The following PRKG1 variants were observed in gnomAD, a reference collection of about 807,000 sequenced individuals.
The protein encoded by PRKG1 is cGMP-dependent protein kinase 1.
A neutral mutation model predicts 88.1 loss-of-function variants in PRKG1; 35 were observed. The ratio of observed to expected loss-of-function variants is 0.40; its 90% CI spans 0.30 to 0.53. The LOEUF (loss-of-function observed/expected upper bound fraction) is 0.53, where lower values mean the gene tolerates loss of function less well. PRKG1 is among the 20% of genes least tolerant of loss of function. The pLI, the probability that PRKG1 is intolerant of heterozygous loss-of-function variation, is 0.59. For missense variants in PRKG1, 540 were observed against 839.8 expected, an observed-to-expected ratio of 0.64 and a Z score of 4.41; for synonymous variants, 303 against 292.5, an observed-to-expected ratio of 1.04 and a Z score of -0.37.
At chr10:51,000,365 A>G (rs999118336) in intron 1 of PRKG1, among the ~76,000 whole-genome samples, 1 of 152,206 alleles carries the variant, frequency 6.6e-6, no homozygotes, top group Admixed American at 6.5e-5. Context: ...TCTTTTCACA[A>G]GAGTATGTTG....
intron 4 of PRKG1, among the ~76,000 whole-genome samples, chr10:51,862,759 A>AGGAATTTGTCTGCCTC: frequency 6.6e-6 from 1 of 152,214 alleles, no homozygotes; most frequent in Non-Finnish European, 1.5e-5. Context: ...CTGTCTGCCT[A>AGGAATTTGTCTGCCTC]GGAATTTGTC....
chr10:51,461,908 T>TCTAAAATGACCCTG (rs1330800311), intron 2 of PRKG1, among the ~76,000 whole-genome samples: 16 of 152,264 alleles, frequency 1.1e-4, no homozygotes, highest in African/African-American at 3.9e-4. Context: ...GCACCCCCCA[T>TCTAAAATGACCCTG]CTAAAATGAC....
intron 3 of PRKG1, among the ~76,000 whole-genome samples, chr10:51,802,375 A>T (rs1937653): frequency 0.92 from 139,518 of 152,198 alleles, 64,079 homozygotes; most frequent in Middle Eastern, 0.97. Flanking sequence ...AGAGACATTT[A>T]AATAGCCCAT....
At position 51,793,321 on chromosome 10, in the gene PRKG1, T is replaced by G. The variant is rs116861147; in HGVS notation, c.593-11264T>G. Among the ~76,000 whole-genome samples, 260 of 152,046 alleles carry G rather than the reference T, an allele frequency of 1.7e-3. 2 individuals carry two copies. In the East Asian group the frequency reaches 0.037, roughly 22 times the overall value. ...TCAGTGCAGAACAGAAGAATCTGTA[T>G]GCTCAGACAGGTTATTAAAAATATA... On this transcript the variant is annotated intron_variant, in intron 3 of 17. Coordinates refer to ENST00000373980, the MANE Select transcript of PRKG1 (RefSeq NM_006258.4).
intron 4 of PRKG1, among the ~76,000 whole-genome samples, chr10:51,836,877 C>G (rs181224631): frequency 6.6e-6 from 1 of 152,074 alleles, no homozygotes; most frequent in African/African-American, 2.4e-5. Context: ...AAAGGGTGCA[C>G]GGAGCATTTT....
intron 17 of PRKG1, among the ~76,000 whole-genome samples, chr10:52,293,334 G>T (rs1019341583): frequency 1.3e-5 from 2 of 150,238 alleles, no homozygotes; most frequent in African/African-American, 2.5e-5. Context: ...TGGCCATACT[G>T]CCCAAGGTAA....
At chr10:52,163,086 G>A (rs187684860) in intron 9 of PRKG1, among the ~76,000 whole-genome samples, 3 of 151,804 alleles carry the variant, frequency 2.0e-5, no homozygotes, top group African/African-American at 7.2e-5. Flanking sequence ...GGGAAAGGGG[G>A]TCATTTAAGG....
chr10:51,477,608 C>A (rs979163377), intron 3 of PRKG1, among the ~76,000 whole-genome samples: 1 of 151,888 alleles, frequency 6.6e-6, no homozygotes, highest in Non-Finnish European at 1.5e-5. Context: ...GAAGGGAATG[C>A]CTGTGATGTG....
At chr10:52,075,469 G>A (rs1224202961) in intron 7 of PRKG1, among the ~76,000 whole-genome samples, 2 of 152,146 alleles carry the variant, frequency 1.3e-5, no homozygotes, top group African/African-American at 4.8e-5. Context: ...AAGAAAGTTT[G>A]GAAGACTAAC....
chr10:51,976,120 G>T (rs1432694752), intron 5 of PRKG1, among the ~76,000 whole-genome samples: 1 of 151,980 alleles, frequency 6.6e-6, no homozygotes. Flanking sequence ...AATAACAAGT[G>T]TTAGGGATGA....
chr10:52,037,690 G>A (rs956840605), intron 5 of PRKG1, among the ~76,000 whole-genome samples: 1 of 152,184 alleles, frequency 6.6e-6, no homozygotes, highest in Non-Finnish European at 1.5e-5. Context: ...GCAGGAGGGG[G>A]AGGGCTAGTC....
intron 5 of PRKG1, among the ~76,000 whole-genome samples, chr10:51,961,318 A>C (rs1490597591): frequency 6.6e-6 from 1 of 152,164 alleles, no homozygotes; most frequent in Non-Finnish European, 1.5e-5. Flanking sequence ...TCCCAGGAAT[A>C]CTGTTTTTGA....
chr10:52,215,598 T>C (rs923334485), intron 9 of PRKG1, among the ~76,000 whole-genome samples: 11 of 152,194 alleles, frequency 7.2e-5, no homozygotes, highest in African/African-American at 2.7e-4. Flanking sequence ...TACACTTTGG[T>C]GGTATTCATA....
chr10:51,074,983 G>T (rs750448009), intron 1 of PRKG1, 82 bp downstream of exon 1: 98 of 1,452,014 alleles, frequency 6.7e-5, no homozygotes, highest in Middle Eastern at 1.8e-4. Context: ...GTCGGCCCCC[G>T]CCCCTCCCGC....
At chr10:51,381,100 T>C (rs571412731) in intron 2 of PRKG1, among the ~76,000 whole-genome samples, 11 of 150,042 alleles carry the variant, frequency 7.3e-5, no homozygotes, top group Admixed American at 7.3e-4. Context: ...CTACTAAAAA[T>C]ACAAAAATTA....
At chr10:51,846,567 T>C (rs2132791689) in intron 4 of PRKG1, among the ~76,000 whole-genome samples, 1 of 152,324 alleles carries the variant, frequency 6.6e-6, no homozygotes, top group South Asian at 2.1e-4. Context: ...TGCCTTTTTC[T>C]GCCACTATAT....
At chr10:51,194,005 T>G (rs995790984) in intron 2 of PRKG1, among the ~76,000 whole-genome samples, 1 of 152,172 alleles carries the variant, frequency 6.6e-6, no homozygotes, top group Admixed American at 6.6e-5. Flanking sequence ...GAAAGCAGAA[T>G]GTTTTCTCCT....
chr10:51,066,139 T>A (rs1012684969), intron 1 of PRKG1, among the ~76,000 whole-genome samples: 10 of 152,116 alleles, frequency 6.6e-5, no homozygotes, highest in African/African-American at 2.4e-4. Context: ...AATTGCTTAA[T>A]GCTTGGAGAA....
chr10:51,240,709 C>G (rs1036181203), intron 2 of PRKG1, among the ~76,000 whole-genome samples: 2 of 152,104 alleles, frequency 1.3e-5, no homozygotes, highest in African/African-American at 4.8e-5. Flanking sequence ...CCTTGAACAC[C>G]AAGAGGGGCC....
Sources: allele counts gnomAD v4.1 joint callset (sites outside exome capture counted in the v4.1 genomes callset), GRCh38; gene constraint gnomAD v4.1.1; transcripts MANE v1.5; gene names NCBI Gene and HGNC (gene_info 2026-07-23, HGNC 2026-07-21).